Variants in COL3A1 observed in about 807,000 individuals in gnomAD.
COL3A1 encodes the protein collagen type III alpha 1 chain, also known as collagen alpha-1(III) chain.
In COL3A1, 46 loss-of-function variants were observed where a neutral mutation model predicts 200.9. That is an observed-to-expected ratio of 0.23 (90% CI 0.18 to 0.29). The LOEUF is 0.29. Ranked by LOEUF, COL3A1 falls within the 10% of genes least tolerant of loss-of-function variation. The pLI, the probability that COL3A1 is intolerant of heterozygous loss-of-function variation, is 1.00. For synonymous variants in COL3A1, 650 were observed against 628.0 expected (o/e 1.03, Z -0.52); for missense variants, 1,367 against 1,917.6 (o/e 0.71, Z 5.36).
intron 7 of COL3A1, 52 bp downstream of exon 7, chr2:188,988,695 C>G (rs755622839): frequency 3.1e-6 from 4 of 1,274,716 alleles, no homozygotes; most frequent in South Asian, 2.5e-5. Flanking sequence ...CATATGGAAC[C>G]TACCTTTGTT....
At chr2:188,988,985 T>G (rs995065396) in intron 7 of COL3A1, among the ~76,000 whole-genome samples, 1 of 151,832 alleles carries the variant, frequency 6.6e-6, no homozygotes, top group Admixed American at 6.6e-5. Flanking sequence ...TATATTTACA[T>G]ATGTAAATAT....
At chr2:188,983,023 G>A (rs759106642) in intron 1 of COL3A1, among the ~76,000 whole-genome samples, 8 of 151,692 alleles carry the variant, frequency 5.3e-5, no homozygotes, top group Non-Finnish European at 1.0e-4. Flanking sequence ...TATATTTTCC[G>A]TAACACCATT....
In COL3A1 at chr2:188,988,710, A is replaced by G. The variant is rs1431151232; in HGVS notation, c.636+67A>G. On this transcript the variant is annotated intron_variant, in intron 7 of 50. Transcript: ENST00000304636. ...CATATGGAACCTACCTTTGTTTTCT[A>G]AAACAAGTATAGGTCTTTACAGAAT... 3 of 1,108,006 alleles carry G rather than the reference A, an allele frequency of 2.7e-6. No homozygotes were observed. In the Admixed American group the frequency reaches 5.4e-5, roughly 20 times the overall value. 68.6% of individuals were successfully genotyped at this position (1,108,006 alleles called of 1,614,324 possible). A position where few individuals can be genotyped will look rare whatever the true frequency, so the allele number is the denominator to read the frequency against.
At chr2:188,988,682 T>C in intron 7 of COL3A1, 39 bp downstream of exon 7, 2 of 1,393,618 alleles carry the variant, frequency 1.4e-6, no homozygotes, top group Non-Finnish European at 2.0e-6. Flanking sequence ...AAGTCGATAA[T>C]TCCATATGGA....
At chr2:189,009,357 C>T in intron 48 of COL3A1, 136 bp downstream of exon 48, 1 of 1,044,032 alleles carries the variant, frequency 9.6e-7, no homozygotes, top group South Asian at 1.5e-5. Flanking sequence ...TGAATTGAAA[C>T]TGCTTGATAT....
At chr2:189,009,484 T>C (rs1688672230) in intron 48 of COL3A1, among the ~76,000 whole-genome samples, 1 of 46,658 alleles carries the variant, frequency 2.1e-5, no homozygotes, top group Non-Finnish European at 4.1e-5. Context: ...TATTTGAGTA[T>C]AAAGTAACAT....
chr2:188,987,605 A>G (rs1688091023), intron 5 of COL3A1, among the ~76,000 whole-genome samples: 1 of 152,146 alleles, frequency 6.6e-6, no homozygotes, highest in Non-Finnish European at 1.5e-5. Flanking sequence ...TATGTCAATT[A>G]ACTCTGTGAT....
Position 189,002,996 on chromosome 2 carries a change from T to C in COL3A1, c.2487T>C (p.Ala829=). 6.4e-7 allele frequency: 1 copy of C among 1,551,746 alleles called. No individual in the cohort carries two copies. Among genetic ancestry groups the C allele is most frequent in the South Asian group, 1.2e-5 (1 of 84,064 alleles). The change falls in exon 36 of 51, where the codon GCT becomes GCC. Residue 829 remains alanine (A), a synonymous_variant. Coordinates refer to ENST00000304636, the MANE Select transcript of COL3A1 (RefSeq NM_000090.4). ...CTGGTGGTAAAGGAGAAAGAGGGGCTCCGGGTGAGAAAGGTGAAGGAGGCC... is the reference window on the plus strand; with the variant it reads ...CTGGTGGTAAAGGAGAAAGAGGGGCCCCGGGTGAGAAAGGTGAAGGAGGCC... The part of the protein sequence containing the change: ...GEPGGKGERG[A]PGEKGEGGPP...
intron 1 of COL3A1, among the ~76,000 whole-genome samples, chr2:188,983,773 T>G (rs1216410897): frequency 6.6e-6 from 1 of 151,930 alleles, no homozygotes; most frequent in Non-Finnish European, 1.5e-5. Context: ...TTTGCAAAAA[T>G]TTTTGCAGAT....
In COL3A1 at chr2:188,994,625, T is replaced by C. The variant is rs769246529; in HGVS notation, c.1347+31T>C. On this transcript the variant is annotated intron_variant, in intron 19 of 50. Transcript: ENST00000304636. This position sits in a 1 kb window ranked among gnomAD's most constrained non-coding sequence, Gnocchi z 4.5. The stretch of plus-strand genomic sequence containing the variant: ...TTTTACTGCAACAGATCTGGTTATT[T>C]CTTGAAAAAATGCAACATAATTAGA... The C allele has an allele frequency of 3.1e-6, 5 of 1,613,876 alleles. No individual in the cohort carries two copies. The African/African-American group carries it at 6.7e-5, about 22-fold the overall frequency.
In COL3A1 at chr2:189,003,062, T is replaced by G; in HGVS notation, c.2553T>G (p.Ala851=). 1 of 1,546,368 alleles carries G rather than the reference T, an allele frequency of 6.5e-7. No individual in the cohort carries two copies. ...GACCCCCTGGAGGTTCTGGACCTGC[T>G]GTAAGTTCCTTCCTCTTTCTCTGTC... The part of the protein sequence containing the change: ...VAGPPGGSGP[A]GPPGPQGVKG... The change falls in exon 36 of 51, where the codon GCT becomes GCG. Residue 851 remains alanine, a splice_region_variant and synonymous_variant. Transcript: ENST00000304636.
Position 188,996,415 on chromosome 2 carries a change from T to C in COL3A1, c.1680T>C (p.Ser560=), listed in dbSNP as rs1688319843. The C allele has an allele frequency of 6.2e-7, 1 of 1,613,762 alleles. No homozygotes were observed. Among genetic ancestry groups the C allele is most frequent in the Non-Finnish European group, 8.5e-7 (1 of 1,179,920 alleles). The change falls in exon 24 of 51, where the codon AGT becomes AGC. Residue 560 remains serine, a synonymous_variant. Transcript: ENST00000304636. ...KPGPPGSQGE[S]GRPGPPGPSG... ...CTTATTAGGGAAGTCAAGGAGAAAG[T>C]GGTCGACCAGGTCCTCCTGGGCCAT... is the stretch of plus-strand genomic sequence containing the variant.
chr2:189,002,686 G>T (rs1393136824), intron 35 of COL3A1, among the ~76,000 whole-genome samples: 2 of 151,998 alleles, frequency 1.3e-5, no homozygotes, highest in Non-Finnish European at 2.9e-5. Flanking sequence ...AAATTTACTG[G>T]TGCTGATTTT....
intron 1 of COL3A1, among the ~76,000 whole-genome samples, chr2:188,977,169 A>G (rs1687838727): frequency 6.6e-6 from 1 of 152,118 alleles, no homozygotes; most frequent in Non-Finnish European, 1.5e-5. Context: ...TGTAGTCCTT[A>G]TTTGACATAA....
At chr2:189,008,442 TACA>T (rs1165181655) in intron 47 of COL3A1, 3 of 454,482 alleles carry the variant, frequency 6.6e-6, no homozygotes, top group Non-Finnish European at 1.2e-5. Flanking sequence ...ATCTCAGAAT[TACA>T]ACATTCATAA....
At chr2:188,991,622 C>T (rs1481784849) in intron 12 of COL3A1, 47 bp from the exon 13 acceptor site, 4 of 1,610,800 alleles carry the variant, frequency 2.5e-6, no homozygotes, top group African/African-American at 1.3e-5. Context: ...ACTGTTCTTA[C>T]ACATGTCAAG....
intron 50 of COL3A1, 82 bp downstream of exon 50, chr2:189,010,972 AT>A (rs1289488310): frequency 6.6e-7 from 1 of 1,512,778 alleles, no homozygotes; most frequent in East Asian, 2.3e-5. Flanking sequence ...AATAGAATAA[AT>A]AAAATTAATA....
At position 189,011,827 on chromosome 2, in the gene COL3A1, CTCTTGTTCTAA is replaced by C; in HGVS notation, c.*60_*70del. 1.9e-6 allele frequency: 3 copies of C among 1,598,936 alleles called. No homozygotes were observed. The South Asian group carries it at 3.3e-5, about 18-fold the overall frequency. Reference sequence around the variant, plus strand: ...AAAAAATTTAACTCCATATGTGTTCCTCTTGTTCTAATCTTGTCAACCAGTGCAAGTGACCG... The same window carrying C: ...AAAAAATTTAACTCCATATGTGTTCCTCTTGTCAACCAGTGCAAGTGACCG... On this transcript the variant is annotated 3_prime_UTR_variant, in exon 51 of 51. Coordinates refer to ENST00000304636, the MANE Select transcript of COL3A1 (RefSeq NM_000090.4).
intron 9 of COL3A1, 33 bp from the exon 10 acceptor site, chr2:188,990,274 G>A (rs184408551): frequency 1.9e-6 from 3 of 1,600,890 alleles, no homozygotes; most frequent in South Asian, 1.1e-5. Context: ...CTATTTGAAG[G>A]TTCATTAATA....
Sources: gnomAD v4.1 joint callset for allele counts (sites outside exome capture counted in the v4.1 genomes callset) on GRCh38, gnomAD v4.1.1 for gene constraint, Gnocchi (gnomAD v3.1) non-coding constraint, MANE v1.5 for transcripts, NCBI Gene and HGNC (gene_info 2026-07-23, HGNC 2026-07-21) for gene names.